Variants in MAGI1 observed in about 807,000 individuals in gnomAD.
The protein encoded by MAGI1 is membrane-associated guanylate kinase, WW and PDZ domain-containing protein 1.
MAGI1 carries 58 observed loss-of-function variants against 139.9 expected under a neutral mutation model. The ratio of observed to expected loss-of-function variants is 0.41; its 90% confidence interval spans 0.34 to 0.52. The LOEUF (loss-of-function observed/expected upper bound fraction) is 0.52, where lower values mean the gene tolerates loss of function less well. MAGI1 is among the 20% of genes least tolerant of loss of function. The probability of loss-of-function intolerance (pLI) is 0.12; values close to 1 mark genes in which losing one functional copy is unlikely to be tolerated. For synonymous variants in MAGI1, 812 were observed against 737.9 expected, an observed-to-expected ratio of 1.10 and a Z score of -1.63; for missense variants, 1,874 against 1,901.6, an observed-to-expected ratio of 0.99 and a Z score of 0.27.
chr3:65,470,519 GAGAGAAA>G, intron 4 of MAGI1, 35 bp from the exon 5 acceptor site: 1 of 1,307,120 alleles, frequency 7.7e-7, no homozygotes, highest in Non-Finnish European at 1.0e-6. Context: ...GAGAGAGAGA[GAGAGAAA>G]AAAAAAAAAT....
At chr3:65,401,171 A>T (rs1300608210) in intron 13 of MAGI1, among the ~76,000 whole-genome samples, 3 of 152,134 alleles carry the variant, frequency 2.0e-5, no homozygotes, top group African/African-American at 7.2e-5. Context: ...GTGTGGATGC[A>T]TTTGTATAGA....
At chr3:65,463,819 ATT>A (rs1464873823) in intron 5 of MAGI1, among the ~76,000 whole-genome samples, 3 of 152,102 alleles carry the variant, frequency 2.0e-5, no homozygotes, top group African/African-American at 7.2e-5. Flanking sequence ...TTATTGGTCT[ATT>A]CAGGGATGCA....
intron 2 of MAGI1, among the ~76,000 whole-genome samples, chr3:65,540,909 A>G (rs967035327): frequency 6.6e-6 from 1 of 152,222 alleles, no homozygotes; most frequent in South Asian, 2.1e-4. Flanking sequence ...TGAGAGAGGG[A>G]TTCAGGGCTC....
chr3:65,650,334 G>A (rs1300577565), intron 1 of MAGI1, among the ~76,000 whole-genome samples: 1 of 152,146 alleles, frequency 6.6e-6, no homozygotes, highest in African/African-American at 2.4e-5. Context: ...AGTACTCCTT[G>A]ACATTAATTC....
chr3:65,453,035 G>T, intron 6 of MAGI1: 1 of 510,560 alleles, frequency 2.0e-6, no homozygotes, highest in Non-Finnish European at 3.5e-6. Context: ...GCTTCTAATG[G>T]AGATATTAGT....
At chr3:65,430,594 A>AC in intron 11 of MAGI1, 105 bp downstream of exon 11, 1 of 1,175,814 alleles carries the variant, frequency 8.5e-7, no homozygotes, top group African/African-American at 1.5e-5. Flanking sequence ...TGCAATCATG[A>AC]CGTTGCTTGG....
chr3:65,638,632 C>CA (rs1335478249), intron 1 of MAGI1, among the ~76,000 whole-genome samples: 1 of 75,922 alleles, frequency 1.3e-5, no homozygotes, highest in African/African-American at 4.3e-5. Context: ...TTTTTTCAGA[C>CA]AGAGTCTCGC....
intron 1 of MAGI1, among the ~76,000 whole-genome samples, chr3:65,862,405 C>T (rs576338117): frequency 2.0e-5 from 3 of 152,246 alleles, no homozygotes; most frequent in East Asian, 3.9e-4. Context: ...CCCATGAGCC[C>T]TCTTCCCTTT....
rs55919401 is a variant in MAGI1, at chr3:66,010,891, G to A, written c.313+27105C>T. ...TTATGGCCGGTCTCATCCTAGTGCC[G>A]TAGTGGGTACACAGAATGCCAGCCA... On this transcript the variant is annotated intron_variant, in intron 1 of 22. Coordinates refer to ENST00000402939, the MANE Select transcript of MAGI1 (RefSeq NM_001033057.2). Among the ~76,000 whole-genome samples, 154 of 152,256 alleles carry A rather than the reference G, an allele frequency of 1.0e-3. 2 individuals are homozygous for A. Among genetic ancestry groups the A allele is most frequent in the African/African-American group, 3.4e-3 (140 of 41,542 alleles).
intron 2 of MAGI1, among the ~76,000 whole-genome samples, chr3:65,551,050 G>T (rs1559662360): frequency 6.6e-6 from 1 of 152,158 alleles, no homozygotes; most frequent in Non-Finnish European, 1.5e-5. Flanking sequence ...CATGTGTCCA[G>T]GGAGAGACCT....
intron 1 of MAGI1, among the ~76,000 whole-genome samples, chr3:65,671,871 A>T (rs891393935): frequency 1.3e-5 from 2 of 152,002 alleles, no homozygotes; most frequent in African/African-American, 4.8e-5. Context: ...AGTTCCTACA[A>T]CTCCAATCCT....
At chr3:65,675,670 G>A (rs933916013) in intron 1 of MAGI1, among the ~76,000 whole-genome samples, 6 of 152,186 alleles carry the variant, frequency 3.9e-5, no homozygotes, top group African/African-American at 7.2e-5. Flanking sequence ...CAGTGTCACA[G>A]CGGCACATGT....
At chr3:65,382,246 T>A (rs144237563) in intron 15 of MAGI1, among the ~76,000 whole-genome samples, 177 bp from the exon 16 acceptor site, 41 of 152,344 alleles carry the variant, frequency 2.7e-4, no homozygotes, top group Non-Finnish European at 4.6e-4. Flanking sequence ...AATTCTTAAA[T>A]GGTGGAAAGA....
intron 1 of MAGI1, among the ~76,000 whole-genome samples, chr3:65,790,029 C>A (rs2039654824): frequency 6.6e-6 from 1 of 152,134 alleles, no homozygotes; most frequent in African/African-American, 2.4e-5. Flanking sequence ...TATTGCATGT[C>A]TTTTACTTCA....
chr3:65,981,498 GATA>G (rs2065578324), intron 1 of MAGI1, among the ~76,000 whole-genome samples: 1 of 152,174 alleles, frequency 6.6e-6, no homozygotes, highest in Non-Finnish European at 1.5e-5. Flanking sequence ...GTAAAATTGA[GATA>G]ATAATAGCCC....
intron 1 of MAGI1, among the ~76,000 whole-genome samples, chr3:65,893,409 A>G (rs2060845157): frequency 6.6e-6 from 1 of 152,162 alleles, no homozygotes; most frequent in South Asian, 2.1e-4. Context: ...CAAAATTTAC[A>G]TAACGCCTTT....
chr3:65,995,355 G>C (rs1161392472), intron 1 of MAGI1, among the ~76,000 whole-genome samples: 1 of 152,180 alleles, frequency 6.6e-6, no homozygotes, highest in African/African-American at 2.4e-5. Context: ...ATTAGTAGGT[G>C]AGTGGCTCAC....
At chr3:65,589,922 T>C (rs1426701384) in intron 2 of MAGI1, among the ~76,000 whole-genome samples, 1 of 152,052 alleles carries the variant, frequency 6.6e-6, no homozygotes, top group Non-Finnish European at 1.5e-5. Context: ...TCCAGGCTCC[T>C]TGGCATCTCT....
chr3:65,404,190 A>T lies in MAGI1; in HGVS notation c.2168-2720T>A, dbSNP rs1945143497. Among the ~76,000 whole-genome samples the T allele has an allele frequency of 2.6e-5, 4 of 152,340 alleles. No homozygotes were observed. The South Asian group carries it at 8.3e-4, about 32-fold the overall frequency. On this transcript the variant is annotated intron_variant, in intron 12 of 22. Coordinates refer to ENST00000402939, the MANE Select transcript of MAGI1 (RefSeq NM_001033057.2). ...GCCTTATTTAGAATTCTTTTTTAAGACCAGCATTTTCACATATCACTGATG... is the reference window on the plus strand; with the variant it reads ...GCCTTATTTAGAATTCTTTTTTAAGTCCAGCATTTTCACATATCACTGATG...
Sources: gnomAD v4.1 joint callset for allele counts (sites outside exome capture counted in the v4.1 genomes callset) on GRCh38, gnomAD v4.1.1 for gene constraint, MANE v1.5 for transcripts, NCBI Gene and HGNC (gene_info 2026-07-23, HGNC 2026-07-21) for gene names.